TYW1: variants seen among roughly 807,000 people sequenced by gnomAD.
TYW1 encodes tRNA-yW synthesizing protein 1 homolog, also known as S-adenosyl-L-methionine-dependent tRNA 4-demethylwyosine synthase TYW1.
TYW1 carries 46 observed loss-of-function variants against 96.2 expected under a neutral mutation model. That is an observed-to-expected ratio of 0.48 (90% confidence interval 0.38 to 0.61). The LOEUF (loss-of-function observed/expected upper bound fraction) is 0.61. Ranked by LOEUF, TYW1 falls within the 20% of genes least tolerant of loss-of-function variation. The probability of loss-of-function intolerance (pLI) is 0.00; values close to 1 mark genes in which losing one functional copy is unlikely to be tolerated. For synonymous variants in TYW1, 274 were observed against 323.0 expected, an observed-to-expected ratio of 0.85 and a Z score of 1.63; for missense variants, 684 against 909.6, an observed-to-expected ratio of 0.75 and a Z score of 3.19.
At chr7:67,158,855 G>A (rs752644305) in intron 13 of TYW1, among the ~76,000 whole-genome samples, 2 of 152,252 alleles carry the variant, frequency 1.3e-5, no homozygotes, top group South Asian at 4.1e-4. Context: ...ACAGGCGTGA[G>A]CCACTGCACC....
chr7:67,204,657 C>CA (rs1800721431), intron 15 of TYW1, among the ~76,000 whole-genome samples: 1 of 151,250 alleles, frequency 6.6e-6, no homozygotes, highest in Non-Finnish European at 1.5e-5. Context: ...TCCAATGGCA[C>CA]AATCTCGGCT....
intron 13 of TYW1, among the ~76,000 whole-genome samples, chr7:67,175,914 A>G (rs1799658693): frequency 6.6e-6 from 1 of 152,246 alleles, no homozygotes; most frequent in African/African-American, 2.4e-5. Context: ...AGTTCTGGCT[A>G]GTGCTAAAAG....
At chr7:67,173,177 T>C (rs926175896) in intron 13 of TYW1, among the ~76,000 whole-genome samples, 1 of 152,156 alleles carries the variant, frequency 6.6e-6, no homozygotes, top group Non-Finnish European at 1.5e-5. Flanking sequence ...AAAGAATGTG[T>C]TTTTATAACT....
intron 10 of TYW1, among the ~76,000 whole-genome samples, chr7:67,082,254 T>A (rs1796413250): frequency 6.6e-6 from 1 of 152,198 alleles, no homozygotes; most frequent in Admixed American, 6.5e-5. Context: ...CCCTTCCATT[T>A]TTATGGAGTA....
intron 12 of TYW1, among the ~76,000 whole-genome samples, chr7:67,110,991 T>G (rs1797388588): frequency 6.6e-6 from 1 of 151,736 alleles, no homozygotes; most frequent in Admixed American, 6.6e-5. Context: ...GGGGACAGAG[T>G]GAGACCTTGT....
intron 13 of TYW1, among the ~76,000 whole-genome samples, chr7:67,129,663 CTT>C (rs1174878908): frequency 2.9e-4 from 44 of 152,308 alleles, no homozygotes; most frequent in African/African-American, 1.0e-3. Flanking sequence ...GTCCAAGCAA[CTT>C]TCTTGCTGCA....
chr7:67,017,744 G>A (rs1794073388), intron 5 of TYW1, 109 bp from the exon 6 acceptor site: 4 of 1,441,152 alleles, frequency 2.8e-6, no homozygotes, highest in Non-Finnish European at 3.7e-6. Flanking sequence ...CTTCCTTAGC[G>A]GCAGCCCATG....
Position 67,177,320 on chromosome 7 carries a change from G to C in TYW1, c.1699-5806G>C, listed in dbSNP as rs143173388. On this transcript the variant is annotated intron_variant, in intron 13 of 15. Coordinates refer to ENST00000359626, the MANE Select transcript of TYW1 (RefSeq NM_018264.4). ...TGATAGCATGGAATGATCCGTTAAA[G>C]AGACACAAGAAACACTAATATGAAA... Among the ~76,000 whole-genome samples, 536 of 151,860 alleles carry C rather than the reference G, an allele frequency of 3.5e-3. 5 individuals are homozygous for C. Among genetic ancestry groups the C allele is most frequent in the African/African-American group, 0.012 (493 of 41,342 alleles).
intron 4 of TYW1, among the ~76,000 whole-genome samples, chr7:67,014,033 G>T (rs184442363): frequency 6.6e-6 from 1 of 152,016 alleles, no homozygotes; most frequent in African/African-American, 2.4e-5. Flanking sequence ...TTGAGCCACC[G>T]CACCCGGCCT....
intron 15 of TYW1, among the ~76,000 whole-genome samples, chr7:67,211,350 C>A (rs1190750868): frequency 1.3e-5 from 2 of 152,164 alleles, no homozygotes; most frequent in Non-Finnish European, 2.9e-5. Context: ...CCATGCTGGG[C>A]ACTGGCAGTA....
At chr7:67,098,856 A>G in intron 12 of TYW1, 138 bp downstream of exon 12, 1 of 943,684 alleles carries the variant, frequency 1.1e-6, no homozygotes, top group Non-Finnish European at 1.5e-6. Flanking sequence ...GGAGGTGAAG[A>G]TGGTCCTGCT....
intron 15 of TYW1, among the ~76,000 whole-genome samples, chr7:67,237,033 A>C (rs1801910330): frequency 6.6e-6 from 1 of 151,978 alleles, no homozygotes; most frequent in Admixed American, 6.6e-5. Flanking sequence ...TTACATGCAC[A>C]CACCACCACG....
At position 67,199,804 on chromosome 7, in the gene TYW1, A is replaced by G. The variant is rs371620719; in HGVS notation, c.1977+4467A>G. ...CATATCCTTATTCAAAATTGATACT[A>G]ATAGTATTGCTTTCAAGGCCATTAT... On this transcript the variant is annotated intron_variant, in intron 15 of 15. Transcript: ENST00000359626. Among the ~76,000 whole-genome samples the G allele has an allele frequency of 1.2e-4, 18 of 152,268 alleles. 1 individual carries two copies. In the East Asian group the frequency reaches 2.5e-3, roughly 21 times the overall value.
intron 5 of TYW1, among the ~76,000 whole-genome samples, chr7:67,014,791 C>T (rs948609983): frequency 6.6e-6 from 1 of 151,392 alleles, no homozygotes; most frequent in African/African-American, 2.4e-5. Context: ...TGCAGTGGCA[C>T]CATCTCAGCT....
intron 15 of TYW1, among the ~76,000 whole-genome samples, chr7:67,223,514 C>T (rs1368365400): frequency 6.6e-6 from 1 of 151,654 alleles, no homozygotes; most frequent in African/African-American, 2.4e-5. Flanking sequence ...CTTTAATGTA[C>T]ACCTCCCAAA....
At chr7:67,132,913 C>T (rs1282265049) in intron 13 of TYW1, among the ~76,000 whole-genome samples, 1 of 152,118 alleles carries the variant, frequency 6.6e-6, no homozygotes, top group African/African-American at 2.4e-5. Flanking sequence ...TCTAACTCTG[C>T]AGTGAACATT....
At chr7:67,018,978 AAAAC>A (rs1212646610) in intron 6 of TYW1, among the ~76,000 whole-genome samples, 2 of 89,614 alleles carry the variant, frequency 2.2e-5, no homozygotes, top group Non-Finnish European at 5.3e-5. Context: ...AAAAAAGAAA[AAAAC>A]AAAATACTGG....
At chr7:67,188,365 T>G (rs1271891007) in intron 14 of TYW1, among the ~76,000 whole-genome samples, 1 of 151,960 alleles carries the variant, frequency 6.6e-6, no homozygotes, top group African/African-American at 2.4e-5. Flanking sequence ...TAATAAGACC[T>G]CTCCATAAAA....
chr7:67,157,978 A>G (rs1021000235), intron 13 of TYW1, among the ~76,000 whole-genome samples: 16 of 151,702 alleles, frequency 1.1e-4, no homozygotes, highest in African/African-American at 3.9e-4. Context: ...TTTAGGGGGA[A>G]AGTATGCACT....
Sources: allele counts gnomAD v4.1 joint callset (sites outside exome capture counted in the v4.1 genomes callset), GRCh38; gene constraint gnomAD v4.1.1; transcripts MANE v1.5; gene names NCBI Gene and HGNC (gene_info 2026-07-23, HGNC 2026-07-21).